Variants in TANGO6 observed in about 807,000 individuals in gnomAD.
The protein encoded by TANGO6 is transport and Golgi organization protein 6 homolog.
Under a neutral mutation model 114.2 loss-of-function variants are expected in TANGO6, and 90 were observed. The ratio of observed to expected loss-of-function variants is 0.79; its 90% confidence interval spans 0.66 to 0.94. The LOEUF is 0.94. Ranked by LOEUF, TANGO6 falls within the 40% of genes least tolerant of loss-of-function variation. TANGO6 has a pLI of 0.00. For synonymous variants in TANGO6, 477 were observed against 509.8 expected (o/e 0.94, Z 0.87); for missense variants, 1,274 against 1,315.3 (o/e 0.97, Z 0.49).
At chr16:68,967,626 T>G (rs1963658917) in intron 14 of TANGO6, among the ~76,000 whole-genome samples, 1 of 152,246 alleles carries the variant, frequency 6.6e-6, no homozygotes, top group Non-Finnish European at 1.5e-5. Flanking sequence ...GACATTTCAT[T>G]TCAATGGAAT....
At chr16:68,874,458 T>G (rs1389388523) in intron 4 of TANGO6, among the ~76,000 whole-genome samples, 3 of 152,230 alleles carry the variant, frequency 2.0e-5, no homozygotes, top group Non-Finnish European at 2.9e-5. Context: ...TTATAATTGC[T>G]TAAGACGGTA....
At chr16:68,961,272 A>G (rs1963587425) in intron 14 of TANGO6, among the ~76,000 whole-genome samples, 1 of 152,190 alleles carries the variant, frequency 6.6e-6, no homozygotes, top group African/African-American at 2.4e-5. Context: ...TGATTCCGGT[A>G]GTTATTTTCT....
intron 3 of TANGO6, among the ~76,000 whole-genome samples, chr16:68,865,121 CA>C (rs1391645155): frequency 3.3e-5 from 5 of 150,878 alleles, no homozygotes; most frequent in Admixed American, 2.0e-4. Context: ...ACTAAAAATA[CA>C]AAAAATTAGC....
At chr16:68,958,124 C>G (rs1173091735) in intron 14 of TANGO6, among the ~76,000 whole-genome samples, 5 of 150,362 alleles carry the variant, frequency 3.3e-5, no homozygotes, top group African/African-American at 1.2e-4. Context: ...CGAGCCAAGA[C>G]TGCGCCATTG....
At chr16:68,924,798 AG>A (rs200927360) in intron 12 of TANGO6, among the ~76,000 whole-genome samples, 24 of 150,410 alleles carry the variant, frequency 1.6e-4, no homozygotes, top group African/African-American at 2.2e-4. Flanking sequence ...CTCAAAAAAA[AG>A]AAAACAGAAA....
intron 1 of TANGO6, among the ~76,000 whole-genome samples, 170 bp from the exon 2 acceptor site, chr16:68,859,714 G>A (rs1170319325): frequency 1.3e-5 from 2 of 152,198 alleles, no homozygotes; most frequent in Non-Finnish European, 2.9e-5. Context: ...AGAAAATGTG[G>A]TCTTAAATTC....
At chr16:69,044,058 A>T (rs1408597899) in intron 17 of TANGO6, among the ~76,000 whole-genome samples, 1 of 152,134 alleles carries the variant, frequency 6.6e-6, no homozygotes, top group East Asian at 1.9e-4. Flanking sequence ...CATTGGAGGG[A>T]AATACTGCAT....
At chr16:68,999,778 C>A (rs1040018797) in intron 15 of TANGO6, among the ~76,000 whole-genome samples, 1 of 152,140 alleles carries the variant, frequency 6.6e-6, no homozygotes, top group South Asian at 2.1e-4. Context: ...AGCAAAAAAT[C>A]ATAAAAAGAT....
At chr16:69,063,808 C>CTTCTTCTTATTTTTA (rs56983779) in intron 17 of TANGO6, among the ~76,000 whole-genome samples, 1 of 125,584 alleles carries the variant, frequency 8.0e-6, no homozygotes, top group Admixed American at 8.7e-5. Context: ...TCTTCTTCTT[C>CTTCTTCTTATTTTTA]TTATTATTAT....
intron 15 of TANGO6, among the ~76,000 whole-genome samples, chr16:69,011,316 G>A (rs1567558213): frequency 6.6e-6 from 1 of 152,110 alleles, no homozygotes; most frequent in African/African-American, 2.4e-5. Flanking sequence ...AAAGAATGGT[G>A]TAAGAATTTG....
intron 15 of TANGO6, among the ~76,000 whole-genome samples, chr16:69,004,355 CT>C (rs796509463): frequency 0.011 from 1,562 of 144,438 alleles, 21 homozygotes; most frequent in African/African-American, 0.034. Flanking sequence ...TATTTCTTTT[CT>C]TTTTTTTTTT....
intron 15 of TANGO6, among the ~76,000 whole-genome samples, chr16:68,999,362 T>A (rs1216265716): frequency 1.3e-5 from 2 of 152,206 alleles, no homozygotes; most frequent in African/African-American, 2.4e-5. Flanking sequence ...AGGGACTGTG[T>A]AGTTAAGGTA....
At chr16:68,987,631 T>C (rs977947039) in intron 15 of TANGO6, among the ~76,000 whole-genome samples, 1 of 152,188 alleles carries the variant, frequency 6.6e-6, no homozygotes, top group Non-Finnish European at 1.5e-5. Flanking sequence ...GGCTGAATTA[T>C]AGTGCTGGAA....
At chr16:68,896,824 T>G (rs951206446) in intron 7 of TANGO6, among the ~76,000 whole-genome samples, 2 of 151,984 alleles carry the variant, frequency 1.3e-5, no homozygotes, top group African/African-American at 4.8e-5. Flanking sequence ...TCTTTTCACT[T>G]AAAAAAAAGT....
At chr16:68,986,516 A>C (rs1297504238) in intron 15 of TANGO6, among the ~76,000 whole-genome samples, 1 of 151,836 alleles carries the variant, frequency 6.6e-6, no homozygotes. Context: ...CAATCACTTT[A>C]CCCCTTCAGT....
intron 17 of TANGO6, among the ~76,000 whole-genome samples, chr16:69,076,921 C>A (rs1294619390): frequency 2.6e-5 from 4 of 152,166 alleles, no homozygotes; most frequent in Admixed American, 2.6e-4. Context: ...CGCTTGAACA[C>A]AGGAGGCGGA....
In TANGO6 at chr16:68,897,513, G is replaced by A. The variant is rs1274162865; in HGVS notation, c.1378-2921G>A. On this transcript the variant is annotated intron_variant, in intron 7 of 17. Coordinates refer to ENST00000261778, the MANE Select transcript of TANGO6 (RefSeq NM_024562.2). ...ATTATTTCCTAAATTTTAGGCACAA[G>A]TAGTACTTGTTCATTATAAGAAGAT... 2.6e-5 allele frequency among the ~76,000 whole-genome samples: 4 copies of A among 151,700 alleles called. No individual in the cohort carries two copies. The East Asian group carries it at 5.8e-4, about 22-fold the overall frequency.
chr16:69,069,871 G>A (rs556997391), intron 17 of TANGO6, among the ~76,000 whole-genome samples: 19 of 152,166 alleles, frequency 1.2e-4, no homozygotes, highest in African/African-American at 3.6e-4. Flanking sequence ...AAAGAATTCA[G>A]GGCGAGTCCA....
At chr16:68,965,303 G>T (rs1597039435) in intron 14 of TANGO6, among the ~76,000 whole-genome samples, 1 of 152,054 alleles carries the variant, frequency 6.6e-6, no homozygotes, top group East Asian at 1.9e-4. Flanking sequence ...GGGATTACAG[G>T]TACACACCAC....
Sources: gnomAD v4.1 joint callset for allele counts (sites outside exome capture counted in the v4.1 genomes callset) on GRCh38, gnomAD v4.1.1 for gene constraint, MANE v1.5 for transcripts, NCBI Gene and HGNC (gene_info 2026-07-23, HGNC 2026-07-21) for gene names.